Variants in AMPH observed in about 807,000 individuals in gnomAD.
AMPH encodes the protein amphiphysin, also known as amphiphysin (Stiff-Mann syndrome with breast cancer 128kD autoantigen).
AMPH carries 49 observed loss-of-function variants against 99.1 expected under a neutral mutation model. The ratio of observed to expected loss-of-function variants is 0.49; its 90% CI spans 0.39 to 0.63. AMPH has a LOEUF of 0.63. AMPH is among the 20% of genes least tolerant of loss of function. The probability of loss-of-function intolerance (pLI) is 0.00; values close to 1 mark genes in which losing one functional copy is unlikely to be tolerated. For synonymous variants in AMPH, 314 were observed against 317.3 expected, an observed-to-expected ratio of 0.99 and a Z score of 0.11; for missense variants, 759 against 863.4, an observed-to-expected ratio of 0.88 and a Z score of 1.52.
At position 38,490,850 on chromosome 7, in the gene AMPH, A is replaced by G. The variant is rs536237885; in HGVS notation, c.396+200T>C. Among the ~76,000 whole-genome samples the G allele has an allele frequency of 2.6e-5, 4 of 152,318 alleles. No individual in the cohort carries two copies. The East Asian group carries it at 7.7e-4, about 29-fold the overall frequency. On this transcript the variant is annotated intron_variant, in intron 5 of 20. Transcript: ENST00000356264. ...AATAAAAGCTGAAGCAGTTCACTAA[A>G]AGCGAAATGTGATTTCTGTAATGAC...
chr7:38,578,397 TA>T (rs1376685865), intron 1 of AMPH, among the ~76,000 whole-genome samples: 1 of 152,224 alleles, frequency 6.6e-6, no homozygotes, highest in African/African-American at 2.4e-5. Context: ...AACTTTGGCT[TA>T]TGCAAGTGAT....
At chr7:38,579,763 A>G (rs967787065) in intron 1 of AMPH, among the ~76,000 whole-genome samples, 6 of 152,368 alleles carry the variant, frequency 3.9e-5, no homozygotes, top group South Asian at 2.1e-4. Context: ...TCATGGGAAG[A>G]CATCTTTTAT....
At chr7:38,630,462 C>A (rs985256926) in intron 1 of AMPH, among the ~76,000 whole-genome samples, 2 of 152,052 alleles carry the variant, frequency 1.3e-5, no homozygotes, top group Admixed American at 6.5e-5. Context: ...AATTACTGTG[C>A]GCAATTTACT....
chr7:38,424,532 G>A (rs1388422794), intron 15 of AMPH, among the ~76,000 whole-genome samples: 1 of 151,594 alleles, frequency 6.6e-6, no homozygotes, highest in African/African-American at 2.4e-5. Context: ...AGTTGGCAGA[G>A]AAAGTAGAGA....
intron 1 of AMPH, among the ~76,000 whole-genome samples, chr7:38,596,208 A>C (rs1793053016): frequency 6.6e-6 from 1 of 152,190 alleles, no homozygotes; most frequent in Non-Finnish European, 1.5e-5. Flanking sequence ...GAAAGGTTTG[A>C]AAGTGGCCGG....
At chr7:38,546,166 T>C (rs974056261) in intron 1 of AMPH, among the ~76,000 whole-genome samples, 5 of 152,200 alleles carry the variant, frequency 3.3e-5, no homozygotes, top group African/African-American at 7.2e-5. Flanking sequence ...AGCAGAGAGA[T>C]GCTGCCCCTT....
intron 10 of AMPH, among the ~76,000 whole-genome samples, chr7:38,462,451 A>G (rs1787484693): frequency 6.6e-6 from 1 of 152,170 alleles, no homozygotes; most frequent in African/African-American, 2.4e-5. Context: ...GTTTCTCTCT[A>G]CAGTTACCTT....
chr7:38,416,102 A>AATACATATATATATATATATATATATAT (rs1785375381), intron 17 of AMPH, among the ~76,000 whole-genome samples: 1 of 100,486 alleles, frequency 1.0e-5, no homozygotes, highest in South Asian at 3.6e-4. Context: ...CAAACATATG[A>AATACATATATATATATATATATATATAT]ATATATATAT....
intron 1 of AMPH, among the ~76,000 whole-genome samples, chr7:38,611,235 T>C (rs908967298): frequency 6.6e-6 from 1 of 152,132 alleles, no homozygotes; most frequent in Non-Finnish European, 1.5e-5. Flanking sequence ...CATAATTCCA[T>C]TCATATGATG....
intron 1 of AMPH, among the ~76,000 whole-genome samples, chr7:38,576,315 A>T (rs543824361): frequency 6.6e-6 from 1 of 152,318 alleles, no homozygotes; most frequent in South Asian, 2.1e-4. Flanking sequence ...AATTCTTTTT[A>T]TTGGTCCTCT....
In AMPH at chr7:38,392,010, A is replaced by T. The variant is rs746308598; in HGVS notation, c.1616T>A (p.Val539Asp). ...ELEATVPQEK[V>D]IPSVVIEPAS... Reference sequence around the variant, plus strand: ...AGGCTCTATGACCACCGAAGGAATGACCTTCTCCTGGGGGAAGAAAAACCG... The same window carrying T: ...AGGCTCTATGACCACCGAAGGAATGTCCTTCTCCTGGGGGAAGAAAAACCG... Residue 539 changes from valine (V) to aspartate (D), a missense_variant, in exon 19 of 21, where the codon GTC becomes GAC. Transcript: ENST00000356264. 2 of 1,604,942 alleles carry T rather than the reference A, an allele frequency of 1.2e-6. No individual in the cohort carries two copies. Among genetic ancestry groups the T allele is most frequent in the South Asian group, 1.1e-5 (1 of 90,984 alleles).
chr7:38,465,410 A>T (rs1236581589), intron 9 of AMPH, 57 bp downstream of exon 9: 3 of 1,466,886 alleles, frequency 2.0e-6, no homozygotes, highest in Non-Finnish European at 2.8e-6. Flanking sequence ...TGGTCCACAG[A>T]TTGAAGAAAT....
At chr7:38,450,090 A>C (rs1316116815) in intron 11 of AMPH, among the ~76,000 whole-genome samples, 1 of 152,224 alleles carries the variant, frequency 6.6e-6, no homozygotes, top group Non-Finnish European at 1.5e-5. Context: ...CCCAACACTC[A>C]GGATTGAAAG....
intron 9 of AMPH, among the ~76,000 whole-genome samples, chr7:38,464,921 G>A (rs964694562): frequency 3.3e-5 from 5 of 152,128 alleles, no homozygotes; most frequent in African/African-American, 9.7e-5. Context: ...TTGGGGCTCC[G>A]GGGTATTTGA....
At chr7:38,468,872 C>T (rs907738669) in intron 7 of AMPH, among the ~76,000 whole-genome samples, 1 of 136,204 alleles carries the variant, frequency 7.3e-6, no homozygotes, top group Non-Finnish European at 1.6e-5. Flanking sequence ...AACATACAGA[C>T]GGCCGGGCGC....
chr7:38,471,654 G>C (rs569808224), intron 7 of AMPH, among the ~76,000 whole-genome samples: 136 of 152,256 alleles, frequency 8.9e-4, no homozygotes, highest in African/African-American at 3.1e-3. Context: ...TAAATGGACT[G>C]AGCACAGCAA....
chr7:38,530,783 A>G (rs73367142), intron 2 of AMPH, among the ~76,000 whole-genome samples: 2,550 of 152,296 alleles, frequency 0.017, 65 homozygotes, highest in African/African-American at 0.059. Context: ...ACACCAGTCA[A>G]TTTTGCTACT....
rs750832048 is a variant in AMPH at position 38,384,689 on chromosome 7, A to T, written c.*129T>A. On this transcript the variant is annotated 3_prime_UTR_variant, in exon 21 of 21. Transcript: ENST00000356264. The stretch of plus-strand genomic sequence containing the variant: ...TTTTGCACACATGCTCCATTGATAC[A>T]TCTTCCCAAGGTTTGTCTGGCATCA... 6.5e-6 allele frequency: 5 copies of T among 771,634 alleles called. No homozygotes were observed. The highest frequency in any genetic ancestry group is 2.1e-5 in the South Asian group (1 of 47,904). The allele number at this position is 771,634 out of a possible 1,614,324, so 47.8% of individuals were successfully genotyped here.
intron 16 of AMPH, among the ~76,000 whole-genome samples, chr7:38,418,223 T>G (rs1369397517): frequency 6.6e-6 from 1 of 152,202 alleles, no homozygotes; most frequent in Non-Finnish European, 1.5e-5. Context: ...CCTACCCATT[T>G]TACTTACTTG....
Sources: allele counts gnomAD v4.1 joint callset (sites outside exome capture counted in the v4.1 genomes callset), GRCh38; gene constraint gnomAD v4.1.1; transcripts MANE v1.5; gene names NCBI Gene and HGNC (gene_info 2026-07-23, HGNC 2026-07-21).